Variants in KSR1 observed in about 807,000 individuals in gnomAD.
The protein encoded by KSR1 is kinase suppressor of ras.
A neutral mutation model predicts 92.9 loss-of-function variants in KSR1; 35 were observed. The ratio of observed to expected loss-of-function variants is 0.38; its 90% CI spans 0.29 to 0.50. KSR1 has a LOEUF of 0.50. KSR1 is among the 20% of genes least tolerant of loss of function. KSR1 has a pLI of 0.94. For missense variants in KSR1, 972 were observed against 1,158.5 expected, an observed-to-expected ratio of 0.84 and a Z score of 2.34; for synonymous variants, 467 against 472.6, an observed-to-expected ratio of 0.99 and a Z score of 0.15.
chr17:27,574,629 T>C (rs2072435951), intron 2 of KSR1, among the ~76,000 whole-genome samples: 3 of 152,216 alleles, frequency 2.0e-5, no homozygotes, highest in Admixed American at 1.3e-4. Flanking sequence ...GGGTTGGGCC[T>C]CATACCTTCA....
At chr17:27,498,337 C>CA (rs761230745) in intron 1 of KSR1, among the ~76,000 whole-genome samples, 4,444 of 51,200 alleles carry the variant, frequency 0.087, 337 homozygotes, top group African/African-American at 0.22. Context: ...GACTCAGTCT[C>CA]AAAAAAAAAA....
intron 1 of KSR1, among the ~76,000 whole-genome samples, chr17:27,548,100 C>G (rs999275108): frequency 1.3e-5 from 2 of 149,930 alleles, no homozygotes; most frequent in Admixed American, 1.3e-4. Context: ...TTATACATTT[C>G]AAAGTATTGT....
chr17:27,501,278 TA>T (rs1567768184), intron 1 of KSR1, among the ~76,000 whole-genome samples: 24 of 140,330 alleles, frequency 1.7e-4, no homozygotes, highest in South Asian at 4.7e-4. Context: ...TTTTTTTTTT[TA>T]ATTTCTTTTC....
chr17:27,610,430 A>C (rs2073883027), intron 17 of KSR1, among the ~76,000 whole-genome samples: 1 of 152,248 alleles, frequency 6.6e-6, no homozygotes, highest in Admixed American at 6.5e-5. Flanking sequence ...TCCTCCCAAC[A>C]AGGTCATTTC....
chr17:27,585,897 A>C, intron 5 of KSR1: 1 of 581,420 alleles, frequency 1.7e-6, no homozygotes, highest in Non-Finnish European at 3.1e-6. Flanking sequence ...GACCTTGAGC[A>C]CATCTCAGCC....
chr17:27,538,358 G>A (rs775496431), intron 1 of KSR1, among the ~76,000 whole-genome samples: 4 of 152,342 alleles, frequency 2.6e-5, no homozygotes, highest in Middle Eastern at 3.4e-3. Context: ...TTGTGGTTGC[G>A]AGATGGCCAC....
chr17:27,619,855 G>C (rs368655619), intron 19 of KSR1, among the ~76,000 whole-genome samples: 2 of 152,164 alleles, frequency 1.3e-5, no homozygotes, highest in East Asian at 1.9e-4. Flanking sequence ...AGGGATTATA[G>C]GTGCCTGCCA....
rs998141970 is a variant in KSR1 at position 27,539,597 on chromosome 17, G to C, written c.232-10971G>C. 7.2e-5 allele frequency among the ~76,000 whole-genome samples: 11 copies of C among 152,328 alleles called. 1 individual carries two copies. In the South Asian group the frequency reaches 2.1e-3, roughly 29 times the overall value. On this transcript the variant is annotated intron_variant, in intron 1 of 20. Transcript: ENST00000644974. ...GTGCCGGGCATTGGGAAGAGGTTTG[G>C]TTGTTGAATGACTGGATGATGGTCA...
intron 1 of KSR1, among the ~76,000 whole-genome samples, chr17:27,504,855 G>A (rs955514339): frequency 6.6e-5 from 10 of 152,184 alleles, no homozygotes; most frequent in East Asian, 5.8e-4. Context: ...GCTTATCCTG[G>A]CCCAGAGCCA....
chr17:27,547,739 C>T (rs897722098), intron 1 of KSR1, among the ~76,000 whole-genome samples: 3 of 152,058 alleles, frequency 2.0e-5, no homozygotes, highest in South Asian at 2.1e-4. Context: ...TTATTTGAGA[C>T]GATCACTAAG....
At chr17:27,531,703 G>T (rs1252024065) in intron 1 of KSR1, among the ~76,000 whole-genome samples, 2 of 152,224 alleles carry the variant, frequency 1.3e-5, no homozygotes, top group African/African-American at 4.8e-5. Flanking sequence ...CTGAGGAGCT[G>T]CAGTGACAAA....
rs994786863 is a variant in KSR1, at chr17:27,624,730, G to A, written c.*1338G>A. 2.0e-5 allele frequency: 3 copies of A among 152,222 alleles called. No homozygotes were observed. Among genetic ancestry groups the A allele is most frequent in the African/African-American group, 7.2e-5 (3 of 41,444 alleles). The allele number at this position is 152,222 out of a possible 1,614,324, so 9.4% of individuals were successfully genotyped here. On this transcript the variant is annotated 3_prime_UTR_variant, in exon 21 of 21. Coordinates refer to ENST00000644974, the MANE Select transcript of KSR1 (RefSeq NM_001394583.1). Reference sequence around the variant, plus strand: ...GGGTGATGGGAGTGGAGACGTGATTGGATTCAGGCCCAGAACCTGTGACCA... The same window carrying A: ...GGGTGATGGGAGTGGAGACGTGATTAGATTCAGGCCCAGAACCTGTGACCA...
intron 1 of KSR1, among the ~76,000 whole-genome samples, chr17:27,501,561 T>C (rs1232925941): frequency 1.3e-5 from 2 of 152,182 alleles, no homozygotes; most frequent in South Asian, 2.1e-4. Context: ...ACCCTGCTGC[T>C]GTGTGTAGCC....
At chr17:27,603,964 C>T in intron 12 of KSR1, 76 bp downstream of exon 12, 2 of 1,411,376 alleles carry the variant, frequency 1.4e-6, no homozygotes, top group South Asian at 2.3e-5. Flanking sequence ...CTGGCCACCT[C>T]CCACTCCACC....
intron 1 of KSR1, among the ~76,000 whole-genome samples, chr17:27,481,687 C>T (rs1324249358): frequency 6.6e-6 from 1 of 152,148 alleles, no homozygotes; most frequent in African/African-American, 2.4e-5. Flanking sequence ...GGTTCAGCTT[C>T]AGGGGGTGCA....
intron 1 of KSR1, among the ~76,000 whole-genome samples, chr17:27,480,522 T>C (rs2068480793): frequency 6.6e-6 from 1 of 152,126 alleles, no homozygotes; most frequent in Non-Finnish European, 1.5e-5. Context: ...CTTAGCCTCC[T>C]GAGCAGCTGG....
intron 1 of KSR1, among the ~76,000 whole-genome samples, chr17:27,503,060 G>A (rs954066931): frequency 6.6e-6 from 1 of 152,160 alleles, no homozygotes; most frequent in African/African-American, 2.4e-5. Flanking sequence ...CTTTGAGGTG[G>A]GTACCAGCAT....
intron 2 of KSR1, among the ~76,000 whole-genome samples, chr17:27,564,967 T>TC (rs771539366): frequency 3.9e-5 from 6 of 152,200 alleles, no homozygotes; most frequent in Non-Finnish European, 8.8e-5. Context: ...GTTATTTCTC[T>TC]CACTATGAAA....
Position 27,617,337 on chromosome 17 carries a change from C to G in KSR1, c.2536C>G (p.Pro846Ala). 1 of 1,612,234 alleles carries G rather than the reference C, an allele frequency of 6.2e-7. No homozygotes were observed. The highest frequency in any genetic ancestry group is 8.5e-7 in the Non-Finnish European group (1 of 1,179,074). The change falls in exon 19 of 21, where the codon CCC (proline) becomes GCC (alanine). Residue 846 changes from proline (P) to alanine (A), a missense_variant. Around this residue, in one of 5 missense-constraint regions of KSR1, gnomAD observed 260 missense variants for 375.2 expected, o/e 0.69. Transcript: ENST00000644974. ...CTGGGCTTTCGACCTGCAGGAGAGA[C>G]CCAGCTTCAGCCTGCTGATGGACAT... is the stretch of plus-strand genomic sequence containing the variant. ...ACWAFDLQER[P>A]SFSLLMDMLE...
Sources: gnomAD v4.1 joint callset for allele counts (sites outside exome capture counted in the v4.1 genomes callset) on GRCh38, gnomAD v4.1.1 for gene constraint, gnomAD v4.1.1 regional missense constraint, MANE v1.5 for transcripts, NCBI Gene and HGNC (gene_info 2026-07-23, HGNC 2026-07-21) for gene names.